The following SLC35F3 variants were observed in gnomAD, a reference collection of about 807,000 sequenced individuals.
The protein encoded by SLC35F3 is solute carrier family 35 member F3, also known as putative thiamine transporter SLC35F3.
Under a neutral mutation model 49.9 loss-of-function variants are expected in SLC35F3, and 25 were observed. The ratio of observed to expected loss-of-function variants is 0.50; its 90% confidence interval spans 0.37 to 0.70. The LOEUF (loss-of-function observed/expected upper bound fraction) is 0.70, where lower values mean the gene tolerates loss of function less well. Ranked by LOEUF, SLC35F3 falls within the 30% of genes least tolerant of loss-of-function variation. The pLI is 0.00. For synonymous variants in SLC35F3, 275 were observed against 265.4 expected, an observed-to-expected ratio of 1.04 and a Z score of -0.35; for missense variants, 525 against 639.8, an observed-to-expected ratio of 0.82 and a Z score of 1.94.
chr1:234,308,287 A>C lies in SLC35F3; in HGVS notation c.609-814A>C, dbSNP rs1316585087. Reference sequence around the variant, plus strand: ...GAAGTGACTGCCCCTGCCTGATCACAAAGATAATTCCAACTGAGGGCAACA... The same window carrying C: ...GAAGTGACTGCCCCTGCCTGATCACCAAGATAATTCCAACTGAGGGCAACA... On this transcript the variant is annotated intron_variant, in intron 3 of 7. Coordinates refer to ENST00000366618, the MANE Select transcript of SLC35F3 (RefSeq NM_173508.4). Among the ~76,000 whole-genome samples the C allele has an allele frequency of 3.9e-5, 6 of 152,324 alleles. No individual in the cohort carries two copies. The South Asian group carries it at 1.2e-3, about 32-fold the overall frequency.
chr1:233,933,035 T>TAA (rs59669736), intron 2 of SLC35F3, among the ~76,000 whole-genome samples: 11,701 of 134,868 alleles, frequency 0.087, 569 homozygotes, highest in Non-Finnish European at 0.093. Context: ...GCTATTTAAG[T>TAA]AAAAAAAAAA....
intron 2 of SLC35F3, among the ~76,000 whole-genome samples, chr1:233,993,580 G>A (rs1429520102): frequency 6.6e-6 from 1 of 152,164 alleles, no homozygotes. Context: ...GGGGCTCTCT[G>A]CTCTAATACC....
intron 3 of SLC35F3, among the ~76,000 whole-genome samples, chr1:234,273,969 T>A (rs769184098): frequency 6.6e-6 from 1 of 151,036 alleles, no homozygotes; most frequent in African/African-American, 2.5e-5. Context: ...ATAGGCCACA[T>A]GCTGGATAGT....
intron 2 of SLC35F3, among the ~76,000 whole-genome samples, chr1:233,989,625 T>A (rs1663321226): frequency 6.6e-6 from 1 of 152,206 alleles, no homozygotes; most frequent in Admixed American, 6.5e-5. Context: ...TTAAAATATT[T>A]CTAGTATTAT....
At chr1:234,236,397 A>G (rs964047182) in intron 3 of SLC35F3, among the ~76,000 whole-genome samples, 4 of 152,106 alleles carry the variant, frequency 2.6e-5, no homozygotes, top group African/African-American at 9.7e-5. Flanking sequence ...CAGTGATCAG[A>G]CCACTGCACT....
At position 234,293,476 on chromosome 1, in the gene SLC35F3, G is replaced by A. The variant is rs186504169; in HGVS notation, c.609-15625G>A. ...TGTGTCGTCTTCAAGGGTGAACTAT[G>A]CATGTCTCTGATCCGCATCACATGC... On this transcript the variant is annotated intron_variant, in intron 3 of 7. Coordinates refer to ENST00000366618, the MANE Select transcript of SLC35F3 (RefSeq NM_173508.4). Among the ~76,000 whole-genome samples the A allele has an allele frequency of 5.3e-5, 8 of 152,340 alleles. No homozygotes were observed. The East Asian group carries it at 1.5e-3, about 29-fold the overall frequency.
chr1:234,262,726 C>T (rs142269141), intron 3 of SLC35F3, among the ~76,000 whole-genome samples: 1 of 152,180 alleles, frequency 6.6e-6, no homozygotes, highest in African/African-American at 2.4e-5. Context: ...GTACAGAATG[C>T]GGTTCCGGTT....
intron 2 of SLC35F3, among the ~76,000 whole-genome samples, chr1:234,040,778 A>C (rs1380325911): frequency 1.3e-5 from 2 of 152,244 alleles, no homozygotes; most frequent in Non-Finnish European, 2.9e-5. Flanking sequence ...AGAAGACCTA[A>C]GGAGGGTCCG....
Position 234,214,369 on chromosome 1 carries a change from G to C in SLC35F3, c.284-17048G>C. On this transcript the variant is annotated intron_variant, in intron 2 of 7. Coordinates refer to ENST00000366618, the MANE Select transcript of SLC35F3 (RefSeq NM_173508.4). This position sits in a 1 kb window ranked among gnomAD's most constrained non-coding sequence, Gnocchi z 8.0. ...GGGCAGCCGGGGAGGCCGGGACTGA[G>C]AGGGGCGAGCCGCTGGTGCTCCCCG... The C allele has an allele frequency of 7.4e-7, 1 of 1,351,258 alleles. No individual in the cohort carries two copies. The highest frequency in any genetic ancestry group is 1.5e-5 in the African/African-American group (1 of 64,982). The allele number at this position is 1,351,258 out of a possible 1,614,324, so 83.7% of individuals were successfully genotyped here. A position where few individuals can be genotyped will look rare whatever the true frequency, so the allele number is the denominator to read the frequency against.
chr1:234,021,218 G>A (rs1326447616), intron 2 of SLC35F3, among the ~76,000 whole-genome samples: 2 of 151,970 alleles, frequency 1.3e-5, no homozygotes, highest in Non-Finnish European at 2.9e-5. Context: ...TCACTGCTGA[G>A]GCTAGCAAAT....
intron 2 of SLC35F3, among the ~76,000 whole-genome samples, chr1:234,068,810 A>C: frequency 9.5e-6 from 1 of 105,274 alleles, no homozygotes; most frequent in East Asian, 2.6e-4. Flanking sequence ...GTGACAGGAT[A>C]AGATTTGAGA....
rs60732150 is a variant in SLC35F3, at chr1:234,173,553, C to T, written c.284-57864C>T. ...GGGGAACTAATAACCTCTGGGGTCA[C>T]AGGTTGGAGAACAGAGGTAGGGGGT... On this transcript the variant is annotated intron_variant, in intron 2 of 7. Transcript: ENST00000366618. Among the ~76,000 whole-genome samples the T allele has an allele frequency of 5.4e-3, 825 of 152,304 alleles. 13 individuals carry two copies. Among genetic ancestry groups the T allele is most frequent in the African/African-American group, 0.019 (781 of 41,560 alleles).
intron 2 of SLC35F3, among the ~76,000 whole-genome samples, chr1:234,038,063 T>C (rs1344308384): frequency 6.6e-6 from 1 of 151,746 alleles, no homozygotes; most frequent in African/African-American, 2.4e-5. Flanking sequence ...GCTGCACCCA[T>C]TAACTTGTCA....
At chr1:233,953,285 A>C (rs1202948933) in intron 2 of SLC35F3, among the ~76,000 whole-genome samples, 4 of 152,248 alleles carry the variant, frequency 2.6e-5, no homozygotes, top group African/African-American at 9.6e-5. Context: ...CATTTGATAG[A>C]GGAAAAAGAG....
chr1:234,262,172 G>A (rs1477063619), intron 3 of SLC35F3, among the ~76,000 whole-genome samples: 2 of 152,204 alleles, frequency 1.3e-5, no homozygotes, highest in Non-Finnish European at 2.9e-5. Flanking sequence ...AAAGGGGAGG[G>A]AGTTACTTTA....
intron 3 of SLC35F3, among the ~76,000 whole-genome samples, chr1:234,263,418 T>G (rs1401030527): frequency 6.6e-6 from 1 of 152,184 alleles, no homozygotes; most frequent in Non-Finnish European, 1.5e-5. Flanking sequence ...CCACCTCCCT[T>G]GTGAAATCTT....
chr1:234,273,786 A>G (rs74471212), intron 3 of SLC35F3, among the ~76,000 whole-genome samples: 8,105 of 152,134 alleles, frequency 0.053, 252 homozygotes, highest in African/African-American at 0.083. Flanking sequence ...GATTTTTAGG[A>G]TACTTGAGGG....
chr1:234,108,761 AAATATATATATCT>A (rs1665349405), intron 2 of SLC35F3, among the ~76,000 whole-genome samples: 3 of 101,616 alleles, frequency 3.0e-5, no homozygotes, highest in Admixed American at 1.2e-4. Flanking sequence ...AGATATATAT[AAATATATATATCT>A]TTTATATATA....
At chr1:233,915,930 A>G (rs1020719382) in intron 2 of SLC35F3, among the ~76,000 whole-genome samples, 1 of 152,208 alleles carries the variant, frequency 6.6e-6, no homozygotes, top group Non-Finnish European at 1.5e-5. Flanking sequence ...GGAATTCAAG[A>G]TGAGATTTGG....
Sources: allele counts gnomAD v4.1 joint callset (sites outside exome capture counted in the v4.1 genomes callset), GRCh38; gene constraint gnomAD v4.1.1; non-coding constraint Gnocchi (gnomAD v3.1); transcripts MANE v1.5; gene names NCBI Gene and HGNC (gene_info 2026-07-23, HGNC 2026-07-21).